The following WWOX variants were observed in gnomAD, a reference collection of about 807,000 sequenced individuals.
The protein encoded by WWOX is WW domain-containing oxidoreductase.
In WWOX, 69 loss-of-function variants were observed where a neutral mutation model predicts 46.2. The observed-to-expected ratio is 1.49, with a 90% CI of 1.23 to 1.82. The LOEUF is 1.82. Among genes scored for constraint, WWOX ranks in the 40% most tolerant of loss-of-function variants. The pLI, the probability that WWOX is intolerant of heterozygous loss-of-function variation, is 0.00. For synonymous variants in WWOX, 359 were observed against 202.6 expected (o/e 1.77, Z -6.56); for missense variants, 919 against 542.6 (o/e 1.69, Z -6.89).
At chr16:78,917,897 A>G (rs2045289164) in intron 8 of WWOX, among the ~76,000 whole-genome samples, 1 of 152,208 alleles carries the variant, frequency 6.6e-6, no homozygotes, top group Non-Finnish European at 1.5e-5. Flanking sequence ...AAAACAAAAA[A>G]AAGTTTAAGA....
chr16:78,398,167 C>T (rs1175095615), intron 6 of WWOX, among the ~76,000 whole-genome samples: 1 of 152,154 alleles, frequency 6.6e-6, no homozygotes, highest in South Asian at 2.1e-4. Context: ...AAGTGCAAAC[C>T]CAGCCCTGAC....
chr16:78,789,992 A>C (rs1283171814), intron 8 of WWOX, among the ~76,000 whole-genome samples: 1 of 152,234 alleles, frequency 6.6e-6, no homozygotes, highest in African/African-American at 2.4e-5. Context: ...ATAAAATGCT[A>C]ACAATAGTTG....
chr16:78,814,013 C>G (rs186132567), intron 8 of WWOX, among the ~76,000 whole-genome samples: 33 of 152,284 alleles, frequency 2.2e-4, no homozygotes, highest in Non-Finnish European at 3.7e-4. Context: ...ACTGCTGTTT[C>G]TTTTAGGAGT....
intron 5 of WWOX, among the ~76,000 whole-genome samples, chr16:78,200,824 G>C (rs1490134877): frequency 2.6e-5 from 4 of 152,128 alleles, no homozygotes; most frequent in African/African-American, 7.2e-5. Flanking sequence ...ACGATGGGCT[G>C]TGCTGGAGGG....
chr16:78,385,442 A>T (rs529503766), intron 5 of WWOX, among the ~76,000 whole-genome samples: 2 of 152,318 alleles, frequency 1.3e-5, no homozygotes, highest in South Asian at 4.1e-4. Flanking sequence ...TTACAAACCT[A>T]TGAGTAGATG....
At chr16:78,713,831 C>A (rs891919834) in intron 8 of WWOX, among the ~76,000 whole-genome samples, 10 of 152,062 alleles carry the variant, frequency 6.6e-5, no homozygotes, top group African/African-American at 9.7e-5. Flanking sequence ...ATAATACAGT[C>A]CCATTCTCTG....
chr16:78,738,456 C>T (rs551774917), intron 8 of WWOX, among the ~76,000 whole-genome samples: 6 of 151,970 alleles, frequency 3.9e-5, no homozygotes, highest in South Asian at 2.1e-4. Flanking sequence ...TGAAGTGTCA[C>T]GATATAAAAA....
intron 8 of WWOX, among the ~76,000 whole-genome samples, chr16:79,160,680 A>G (rs2050468282): frequency 2.6e-5 from 4 of 152,192 alleles, no homozygotes; most frequent in Admixed American, 2.6e-4. Flanking sequence ...CACGTCCCAT[A>G]CAATCTTGGC....
At chr16:78,761,689 C>T (rs1346485478) in intron 8 of WWOX, among the ~76,000 whole-genome samples, 1 of 152,156 alleles carries the variant, frequency 6.6e-6, no homozygotes, top group Non-Finnish European at 1.5e-5. Context: ...CTTAATACCT[C>T]CTTGGCTTTG....
At position 79,212,035 on chromosome 16, in the gene WWOX, G is replaced by C; in HGVS notation, c.*239G>C. 2 of 1,536,210 alleles carry C rather than the reference G, an allele frequency of 1.3e-6. No homozygotes were observed. Among genetic ancestry groups the C allele is most frequent in the Non-Finnish European group, 1.7e-6 (2 of 1,146,886 alleles). On this transcript the variant is annotated 3_prime_UTR_variant, in exon 9 of 9. Coordinates refer to ENST00000566780, the MANE Select transcript of WWOX (RefSeq NM_016373.4). ...ATAGGTCTCTTTGCTTTCTGGTGGT[G>C]GCCTGTTTGAAAGTAAAAACCTGCT...
At chr16:79,112,261 G>T (rs976047389) in intron 8 of WWOX, among the ~76,000 whole-genome samples, 4 of 152,234 alleles carry the variant, frequency 2.6e-5, no homozygotes, top group Admixed American at 2.6e-4. Context: ...CTGTCCACTT[G>T]ACGGACAGGC....
intron 8 of WWOX, among the ~76,000 whole-genome samples, chr16:79,005,652 T>C (rs1470505689): frequency 6.6e-6 from 1 of 152,150 alleles, no homozygotes; most frequent in African/African-American, 2.4e-5. Context: ...TCCATGTCTC[T>C]CTATGTCTTC....
At chr16:79,206,623 C>A (rs544169302) in intron 8 of WWOX, 16 of 152,290 alleles carry the variant, frequency 1.1e-4, no homozygotes, top group African/African-American at 3.9e-4. Context: ...CTGAAAAAGC[C>A]GGGCAGTTTG....
At chr16:78,370,956 T>C (rs1359080711) in intron 5 of WWOX, among the ~76,000 whole-genome samples, 1 of 150,844 alleles carries the variant, frequency 6.6e-6, no homozygotes, top group African/African-American at 2.4e-5. Context: ...GAGGTCAGGT[T>C]GCTCTGAGAC....
intron 8 of WWOX, among the ~76,000 whole-genome samples, chr16:78,672,744 C>G (rs552157206): frequency 1.3e-5 from 2 of 152,200 alleles, no homozygotes; most frequent in Non-Finnish European, 2.9e-5. Context: ...TGCAGCCCCC[C>G]ATTTTAGGGT....
chr16:78,886,606 T>A (rs1030451171), intron 8 of WWOX, among the ~76,000 whole-genome samples: 1 of 148,286 alleles, frequency 6.7e-6, no homozygotes, highest in African/African-American at 2.5e-5. Flanking sequence ...CCAATTGCTT[T>A]CCAGAAACTA....
intron 5 of WWOX, among the ~76,000 whole-genome samples, chr16:78,262,097 C>CAAA (rs752161345): frequency 0.11 from 7,056 of 62,342 alleles, 514 homozygotes; most frequent in East Asian, 0.19. Context: ...GAAACTCTGT[C>CAAA]AAAAAAAAAA....
chr16:78,815,063 G>A (rs1262579603), intron 8 of WWOX, among the ~76,000 whole-genome samples: 2 of 152,186 alleles, frequency 1.3e-5, no homozygotes, highest in East Asian at 3.9e-4. Context: ...AGTGGCTCAC[G>A]CCTGTAATCC....
intron 8 of WWOX, among the ~76,000 whole-genome samples, chr16:78,937,827 T>C (rs1289550610): frequency 3.3e-5 from 5 of 152,034 alleles, no homozygotes; most frequent in African/African-American, 4.8e-5. Context: ...CTGTTTTTAC[T>C]ATGTTGGCCA....
Sources: allele counts gnomAD v4.1 joint callset (sites outside exome capture counted in the v4.1 genomes callset), GRCh38; gene constraint gnomAD v4.1.1; transcripts MANE v1.5; gene names NCBI Gene and HGNC (gene_info 2026-07-23, HGNC 2026-07-21).